KCNIP4: variants seen among roughly 807,000 people sequenced by gnomAD.
The protein encoded by KCNIP4 is Kv channel-interacting protein 4.
In KCNIP4, 12 loss-of-function variants were observed where a neutral mutation model predicts 34.0. That is an observed-to-expected ratio of 0.35 (90% CI 0.23 to 0.57). KCNIP4 has a LOEUF of 0.57. Among genes scored for constraint, KCNIP4 ranks in the 20% least tolerant of loss-of-function variants. The probability of loss-of-function intolerance (pLI) is 0.83; values close to 1 mark genes in which losing one functional copy is unlikely to be tolerated. For missense variants in KCNIP4, 238 were observed against 311.7 expected (o/e 0.76, Z 1.78); for synonymous variants, 124 against 102.2 (o/e 1.21, Z -1.29).
At chr4:21,570,284 A>G (rs940048510) in intron 1 of KCNIP4, among the ~76,000 whole-genome samples, 1 of 152,180 alleles carries the variant, frequency 6.6e-6, no homozygotes, top group African/African-American at 2.4e-5. Flanking sequence ...GCAGAGATGT[A>G]GAGGTTTTAA....
intron 1 of KCNIP4, among the ~76,000 whole-genome samples, chr4:21,033,783 A>G (rs537756855): frequency 3.7e-4 from 57 of 152,320 alleles, no homozygotes; most frequent in African/African-American, 1.2e-3. Flanking sequence ...TTGGGCCAAT[A>G]TGTATTTTAA....
chr4:20,965,800 G>A (rs1212328857), intron 1 of KCNIP4, among the ~76,000 whole-genome samples: 6 of 152,146 alleles, frequency 3.9e-5, no homozygotes, highest in Non-Finnish European at 5.9e-5. Flanking sequence ...CATAAATGCT[G>A]AGCTATATGT....
chr4:21,690,801 A>C (rs970305574), intron 1 of KCNIP4, among the ~76,000 whole-genome samples: 2 of 152,202 alleles, frequency 1.3e-5, no homozygotes, highest in Non-Finnish European at 2.9e-5. Flanking sequence ...AATAACAAAC[A>C]TCACATTATT....
At chr4:21,024,524 T>C (rs899374963) in intron 1 of KCNIP4, among the ~76,000 whole-genome samples, 1 of 152,244 alleles carries the variant, frequency 6.6e-6, no homozygotes, top group Admixed American at 6.5e-5. Flanking sequence ...TTCCAGATAT[T>C]AGAGTTTACA....
intron 1 of KCNIP4, among the ~76,000 whole-genome samples, chr4:21,327,345 T>C (rs1464089145): frequency 6.6e-6 from 1 of 152,152 alleles, no homozygotes; most frequent in African/African-American, 2.4e-5. Flanking sequence ...TAAATTTCCT[T>C]CAGCACTTTA....
Position 21,341,964 on chromosome 4 carries a change from A to T in KCNIP4, c.62-459255T>A, listed in dbSNP as rs112412130. Among the ~76,000 whole-genome samples the T allele has an allele frequency of 3.3e-5, 5 of 152,304 alleles. 1 individual carries two copies. The highest frequency in any genetic ancestry group is 1.2e-4 in the African/African-American group (5 of 41,568). On this transcript the variant is annotated intron_variant, in intron 1 of 8. Transcript: ENST00000382152. ...GCAATCAACAAGGTGCTATTTGGTAATATTAATCACATTCTTTTCTTTGTG... is the reference window on the plus strand; with the variant it reads ...GCAATCAACAAGGTGCTATTTGGTATTATTAATCACATTCTTTTCTTTGTG...
At chr4:21,430,727 G>C (rs1262738932) in intron 1 of KCNIP4, among the ~76,000 whole-genome samples, 1 of 139,372 alleles carries the variant, frequency 7.2e-6, no homozygotes, top group Non-Finnish European at 1.5e-5. Flanking sequence ...TAAGAAATCT[G>C]AGTCTCAGAG....
chr4:21,077,754 T>G (rs1320073299), intron 1 of KCNIP4, among the ~76,000 whole-genome samples: 2 of 152,144 alleles, frequency 1.3e-5, no homozygotes, highest in Admixed American at 6.6e-5. Flanking sequence ...AGTACATTAC[T>G]ATTTATCTGG....
chr4:21,831,788 T>G (rs1723006455), intron 1 of KCNIP4, among the ~76,000 whole-genome samples: 1 of 151,476 alleles, frequency 6.6e-6, no homozygotes, highest in East Asian at 2.0e-4. Flanking sequence ...GAGAGAACAC[T>G]TCCAAACTCA....
At chr4:21,553,943 T>C (rs1378864304) in intron 1 of KCNIP4, among the ~76,000 whole-genome samples, 1 of 152,096 alleles carries the variant, frequency 6.6e-6, no homozygotes, top group South Asian at 2.1e-4. Context: ...TTCTCAGGCT[T>C]AAGAGAGTGA....
chr4:20,921,527 G>A (rs1729389314), intron 1 of KCNIP4, among the ~76,000 whole-genome samples: 1 of 152,144 alleles, frequency 6.6e-6, no homozygotes, highest in Non-Finnish European at 1.5e-5. Context: ...ATTATGTCAT[G>A]TTACTTTTTA....
At chr4:20,731,960 C>T (rs770875256) in intron 8 of KCNIP4, 46 bp downstream of exon 8, 8 of 1,609,268 alleles carry the variant, frequency 5.0e-6, no homozygotes, top group African/African-American at 1.3e-5. Flanking sequence ...CTCAGTTTAG[C>T]TGTTATGATA....
At chr4:20,999,414 GTTTT>G (rs5856594) in intron 1 of KCNIP4, among the ~76,000 whole-genome samples, 2 of 95,344 alleles carry the variant, frequency 2.1e-5, no homozygotes, top group African/African-American at 9.4e-5. Context: ...TTGTGGTGGT[GTTTT>G]TTTTTTTTGT....
intron 1 of KCNIP4, among the ~76,000 whole-genome samples, chr4:21,297,212 T>C (rs1397740496): frequency 6.6e-6 from 1 of 151,908 alleles, no homozygotes; most frequent in African/African-American, 2.4e-5. Context: ...ATCAGTGACA[T>C]ATATATTTGT....
chr4:21,529,638 G>T (rs1447463552), intron 1 of KCNIP4, among the ~76,000 whole-genome samples: 1 of 152,132 alleles, frequency 6.6e-6, no homozygotes, highest in African/African-American at 2.4e-5. Context: ...CACCCTGGAT[G>T]GTAGTAAATC....
intron 1 of KCNIP4, among the ~76,000 whole-genome samples, chr4:21,933,794 A>T (rs1179387802): frequency 6.6e-6 from 1 of 152,118 alleles, no homozygotes; most frequent in Non-Finnish European, 1.5e-5. Flanking sequence ...CAGAAATATG[A>T]GACTTACCTA....
intron 1 of KCNIP4, among the ~76,000 whole-genome samples, chr4:21,337,434 A>G (rs955804707): frequency 6.6e-6 from 1 of 152,166 alleles, no homozygotes; most frequent in Non-Finnish European, 1.5e-5. Flanking sequence ...AGAAATGGAA[A>G]GAAGCATTGC....
chr4:21,022,639 T>G (rs1196423218), intron 1 of KCNIP4, among the ~76,000 whole-genome samples: 4 of 152,186 alleles, frequency 2.6e-5, no homozygotes, highest in Non-Finnish European at 5.9e-5. Context: ...ATGCCAGAAA[T>G]AGTATATTAA....
At chr4:21,609,561 AT>A (rs1273807939) in intron 1 of KCNIP4, among the ~76,000 whole-genome samples, 2 of 152,198 alleles carry the variant, frequency 1.3e-5, no homozygotes, top group African/African-American at 4.8e-5. Context: ...AGATAGAAAA[AT>A]TTGCTAGGAC....
Sources: gnomAD v4.1 joint callset for allele counts (sites outside exome capture counted in the v4.1 genomes callset) on GRCh38, gnomAD v4.1.1 for gene constraint, MANE v1.5 for transcripts, NCBI Gene and HGNC (gene_info 2026-07-23, HGNC 2026-07-21) for gene names.